PLPP4: variants seen among roughly 807,000 people sequenced by gnomAD.
PLPP4 encodes diacylglycerol pyrophosphate like 2.
Under a neutral mutation model 32.2 loss-of-function variants are expected in PLPP4, and 20 were observed. The observed-to-expected ratio is 0.62, with a 90% CI of 0.44 to 0.90. PLPP4 has a LOEUF of 0.90. PLPP4 is among the 40% of genes least tolerant of loss of function. PLPP4 has a pLI of 0.00. For missense variants in PLPP4, 257 were observed against 353.1 expected, an observed-to-expected ratio of 0.73 and a Z score of 2.18; for synonymous variants, 127 against 133.0, an observed-to-expected ratio of 0.95 and a Z score of 0.31.
intron 1 of PLPP4, among the ~76,000 whole-genome samples, chr10:120,481,367 G>A (rs1844198404): frequency 6.6e-6 from 1 of 152,198 alleles, no homozygotes; most frequent in Non-Finnish European, 1.5e-5. Context: ...GGGACATCAG[G>A]GAGAAGGGAT....
At chr10:120,461,152 A>G (rs906995523) in intron 1 of PLPP4, among the ~76,000 whole-genome samples, 2 of 152,226 alleles carry the variant, frequency 1.3e-5, no homozygotes, top group African/African-American at 2.4e-5. Flanking sequence ...GAGGGATGGC[A>G]GCAGTGGTTC....
At position 120,468,976 on chromosome 10, in the gene PLPP4, A is replaced by T. The variant is rs1377391002; in HGVS notation, c.56+11615A>T. Reference sequence around the variant, plus strand: ...ATACATGGAGGCACTAATGGAAGAGACACCAAAATCCTCACATACAAAGAT... The same window carrying T: ...ATACATGGAGGCACTAATGGAAGAGTCACCAAAATCCTCACATACAAAGAT... On this transcript the variant is annotated intron_variant, in intron 1 of 6. Transcript: ENST00000398250. Among the ~76,000 whole-genome samples, 2 of 64,730 alleles carry T rather than the reference A, an allele frequency of 3.1e-5. 1 individual carries two copies. The highest frequency in any genetic ancestry group is 9.0e-5 in the Non-Finnish European group (2 of 22,300). The allele number at this position is 64,730 out of a possible 152,430, so 42.5% of individuals were successfully genotyped here.
chr10:120,457,263 G>A lies in PLPP4; in HGVS notation c.-43G>A. On this transcript the variant is annotated 5_prime_UTR_variant, in exon 1 of 7. Transcript: ENST00000398250. ...GCGCCGGCCGAGCTGCGGGAGCCGC[G>A]GAGAGCACCAGCTGACGCCGCGGGA... The A allele has an allele frequency of 4.2e-6, 6 of 1,431,220 alleles. No individual in the cohort carries two copies. The highest frequency in any genetic ancestry group is 5.6e-6 in the Non-Finnish European group (6 of 1,080,472). 88.7% of individuals were successfully genotyped at this position (1,431,220 alleles called of 1,614,324 possible).
chr10:120,504,518 G>C (rs1845407572), intron 2 of PLPP4, among the ~76,000 whole-genome samples: 1 of 152,260 alleles, frequency 6.6e-6, no homozygotes, highest in Admixed American at 6.5e-5. Flanking sequence ...ACATGCCTGA[G>C]TAAGCCAAAG....
At position 120,503,895 on chromosome 10, in the gene PLPP4, A is replaced by G. The variant is rs779211632; in HGVS notation, c.134A>G (p.Gln45Arg). Residue 45 changes from glutamine (Q) to arginine (R), a missense_variant, in exon 2 of 7, where the codon CAA (glutamine) becomes CGA (arginine). Transcript: ENST00000398250. ...TGGCTCTATAAAAATCCTTTGGTGCAATCAGATAACATACCTACCCGCCTC... is the reference window on the plus strand; with the variant it reads ...TGGCTCTATAAAAATCCTTTGGTGCGATCAGATAACATACCTACCCGCCTC... ...EIWLYKNPLVQSDNIPTRLMF... is the reference protein window; with the variant it reads ...EIWLYKNPLVRSDNIPTRLMF... The G allele has an allele frequency of 6.2e-7, 1 of 1,613,090 alleles. No individual in the cohort carries two copies. Among genetic ancestry groups the G allele is most frequent in the Admixed American group, 1.7e-5 (1 of 60,020 alleles).
chr10:120,587,052 G>A (rs1849797500), intron 6 of PLPP4, among the ~76,000 whole-genome samples: 1 of 152,154 alleles, frequency 6.6e-6, no homozygotes, highest in African/African-American at 2.4e-5. Flanking sequence ...ATTGATTAGG[G>A]GAAGGCATGA....
At position 120,468,141 on chromosome 10, in the gene PLPP4, C is replaced by T. The variant is rs1325962908; in HGVS notation, c.56+10780C>T. 3.1e-5 allele frequency among the ~76,000 whole-genome samples: 2 copies of T among 65,062 alleles called. 1 individual carries two copies. The highest frequency in any genetic ancestry group is 9.0e-5 in the Non-Finnish European group (2 of 22,344). The allele number at this position is 65,062 out of a possible 152,430, so 42.7% of individuals were successfully genotyped here. ...TTTTCTTTATCCGGTCTACCACTGACGGGCATTTAGGTTGATTCCATGTCT... is the reference window on the plus strand; with the variant it reads ...TTTTCTTTATCCGGTCTACCACTGATGGGCATTTAGGTTGATTCCATGTCT... On this transcript the variant is annotated intron_variant, in intron 1 of 6. Coordinates refer to ENST00000398250, the MANE Select transcript of PLPP4 (RefSeq NM_001030059.3).
chr10:120,581,909 T>A (rs1046104383), intron 6 of PLPP4, among the ~76,000 whole-genome samples: 1 of 152,200 alleles, frequency 6.6e-6, no homozygotes, highest in African/African-American at 2.4e-5. Context: ...TGGCAAACTT[T>A]GTAAAGGGTC....
intron 3 of PLPP4, among the ~76,000 whole-genome samples, chr10:120,518,280 C>G (rs1371835004): frequency 1.3e-5 from 2 of 152,040 alleles, no homozygotes; most frequent in Non-Finnish European, 2.9e-5. Context: ...TTCTCCAAAC[C>G]CAGTGAGGCT....
At position 120,573,268 on chromosome 10, in the gene PLPP4, G is replaced by A. The variant is rs143954065; in HGVS notation, c.446-1863G>A. 2.4e-4 allele frequency among the ~76,000 whole-genome samples: 36 copies of A among 152,222 alleles called. No individual in the cohort carries two copies. The South Asian group carries it at 5.8e-3, about 25-fold the overall frequency. ...TCTTTTGCTGCATCTTTATACCTAC[G>A]ATAAACCTGGTTTAATATTCCATTA... On this transcript the variant is annotated intron_variant, in intron 5 of 6. Coordinates refer to ENST00000398250, the MANE Select transcript of PLPP4 (RefSeq NM_001030059.3).
intron 5 of PLPP4, among the ~76,000 whole-genome samples, chr10:120,574,189 CTCTCT>C (rs1849099223): frequency 7.7e-6 from 1 of 129,574 alleles, no homozygotes; most frequent in African/African-American, 3.2e-5. Context: ...CTCTCTCTCT[CTCTCT>C]CTCTCTCTCT....
At chr10:120,497,376 C>T (rs1845018507) in intron 1 of PLPP4, among the ~76,000 whole-genome samples, 1 of 152,058 alleles carries the variant, frequency 6.6e-6, no homozygotes, top group African/African-American at 2.4e-5. Flanking sequence ...TAAATAATTA[C>T]ATCCTTTTGC....
chr10:120,464,874 C>G (rs1848242039), intron 1 of PLPP4, among the ~76,000 whole-genome samples: 1 of 152,150 alleles, frequency 6.6e-6, no homozygotes, highest in Admixed American at 6.5e-5. Flanking sequence ...TTTCTTCTCC[C>G]CTCCCTGGGA....
In PLPP4 at chr10:120,457,330, G is replaced by A; in HGVS notation, c.25G>A (p.Gly9Arg). Residue 9 changes from glycine to arginine, a missense_variant, in exon 1 of 7, where the codon GGG becomes AGG. Gly to Arg is a moderately radical substitution (Grantham distance 125, BLOSUM62 -2). Transcript: ENST00000398250. MRELAIEI[G>R]VRALLFGVFV... is the part of the protein sequence containing the mutation. The stretch of plus-strand genomic sequence containing the variant: ...CATGCGGGAGCTGGCCATTGAGATC[G>A]GGGTGCGAGCCCTGCTCTTCGGAGT... 6.5e-7 allele frequency: 1 copy of A among 1,534,190 alleles called. No homozygotes were observed. Among genetic ancestry groups the A allele is most frequent in the Non-Finnish European group, 8.8e-7 (1 of 1,139,304 alleles).
chr10:120,538,034 CTCTCTCTCTCTCTCTCTCTGTG>C (rs1847129087), intron 5 of PLPP4, among the ~76,000 whole-genome samples: 1 of 58,368 alleles, frequency 1.7e-5, no homozygotes, highest in African/African-American at 5.4e-5. Flanking sequence ...CTCTCTCTCT[CTCTCTCTCTCTCTCTCTCTGTG>C]TGTGTGTGTG....
intron 5 of PLPP4, among the ~76,000 whole-genome samples, chr10:120,569,743 G>C (rs1403660837): frequency 1.3e-5 from 2 of 152,164 alleles, no homozygotes; most frequent in African/African-American, 4.8e-5. Flanking sequence ...ATAGGGTCCA[G>C]GTATATTTGT....
chr10:120,578,753 G>A (rs1849342382), intron 6 of PLPP4, among the ~76,000 whole-genome samples: 1 of 152,198 alleles, frequency 6.6e-6, no homozygotes, highest in Non-Finnish European at 1.5e-5. Context: ...GAAACATTTA[G>A]CAGAACTTCC....
Position 120,591,068 on chromosome 10 carries a change from C to G in PLPP4, c.*1566C>G, listed in dbSNP as rs1849977941. 6.6e-6 allele frequency among the ~76,000 whole-genome samples: 1 copy of G among 152,104 alleles called. No homozygotes were observed. The highest frequency in any genetic ancestry group is 1.5e-5 in the Non-Finnish European group (1 of 68,030). On this transcript the variant is annotated 3_prime_UTR_variant, in exon 7 of 7. Transcript: ENST00000398250. ...ATAAGCGTGAGCCACTGCACCTGGCCAAGAGTGTTGCTTTTGGGCAGTTAG... is the reference window on the plus strand; with the variant it reads ...ATAAGCGTGAGCCACTGCACCTGGCGAAGAGTGTTGCTTTTGGGCAGTTAG...
At chr10:120,483,219 T>A (rs1844290959) in intron 1 of PLPP4, among the ~76,000 whole-genome samples, 1 of 152,212 alleles carries the variant, frequency 6.6e-6, no homozygotes, top group African/African-American at 2.4e-5. Context: ...GACTGAAGGC[T>A]GCCTCTCGGC....
Sources: gnomAD v4.1 joint callset for allele counts (sites outside exome capture counted in the v4.1 genomes callset) on GRCh38, gnomAD v4.1.1 for gene constraint, MANE v1.5 for transcripts, NCBI Gene and HGNC (gene_info 2026-07-23, HGNC 2026-07-21) for gene names.